The following XYLT1 variants were observed in gnomAD, a reference collection of about 807,000 sequenced individuals.
XYLT1 encodes xylosyltransferase 1, also known as beta-D-xylosyltransferase 1.
XYLT1 carries 36 observed loss-of-function variants against 91.3 expected under a neutral mutation model. The ratio of observed to expected loss-of-function variants is 0.39; its 90% CI spans 0.30 to 0.52. The LOEUF is 0.52. XYLT1 is among the 20% of genes least tolerant of loss of function. XYLT1 has a pLI of 0.68. For missense variants in XYLT1, 1,242 were observed against 1,284.5 expected, an observed-to-expected ratio of 0.97 and a Z score of 0.51; for synonymous variants, 588 against 532.0, an observed-to-expected ratio of 1.11 and a Z score of -1.45.
In XYLT1 at chr16:17,108,936, C is replaced by G. The variant is rs769620977; in HGVS notation, c.2639G>C (p.Ser880Thr). 4.2e-5 allele frequency: 67 copies of G among 1,598,160 alleles called. No individual in the cohort carries two copies. The highest frequency in any genetic ancestry group is 5.2e-5 in the Non-Finnish European group (61 of 1,168,376). Residue 880 changes from serine to threonine, a missense_variant, in exon 12 of 12, where the codon AGC becomes ACC. By Grantham distance (58) the Ser-to-Thr change is moderately conservative (BLOSUM62 1). Around this residue, in one of 3 missense-constraint regions of XYLT1, gnomAD observed 511 missense variants for 497.0 expected, o/e 1.03. Transcript: ENST00000261381. The stretch of plus-strand genomic sequence containing the variant: ...CACCTGGGCGGGGTTGATGGGCAGG[C>G]TGAGGACGGGGTTTAGGCTCTGGAA... ...QSFQSLNPVL[S>T]LPINPAQVEQ...
At chr16:17,443,570 CTG>C (rs1191464295) in intron 1 of XYLT1, among the ~76,000 whole-genome samples, 1 of 152,226 alleles carries the variant, frequency 6.6e-6, no homozygotes, top group Admixed American at 6.5e-5. Context: ...CTATGCGGAA[CTG>C]TGAGTCAATT....
At chr16:17,116,253 AAGTC>A (rs1232138032) in intron 11 of XYLT1, among the ~76,000 whole-genome samples, 3 of 152,176 alleles carry the variant, frequency 2.0e-5, no homozygotes, top group Non-Finnish European at 2.9e-5. Context: ...ACAAAGAAAA[AAGTC>A]AGGCAGGATA....
At chr16:17,123,146 A>G (rs1597134145) in intron 10 of XYLT1, among the ~76,000 whole-genome samples, 1 of 152,184 alleles carries the variant, frequency 6.6e-6, no homozygotes, top group East Asian at 1.9e-4. Context: ...AATTGCATTG[A>G]ATTTGTAGAT....
chr16:17,427,328 T>C (rs1223076761), intron 1 of XYLT1, among the ~76,000 whole-genome samples: 1 of 152,278 alleles, frequency 6.6e-6, no homozygotes, highest in Non-Finnish European at 1.5e-5. Context: ...AGACAGAGTC[T>C]GGCTCTGCCA....
At chr16:17,419,675 A>T (rs201534106) in intron 1 of XYLT1, among the ~76,000 whole-genome samples, 2 of 152,210 alleles carry the variant, frequency 1.3e-5, no homozygotes, top group East Asian at 1.9e-4. Flanking sequence ...GCATTTTCAC[A>T]TGCTGAAATG....
rs553975444 is a variant in XYLT1, at chr16:17,266,151, A to G, written c.403-6653T>C. Among the ~76,000 whole-genome samples, 8 of 152,288 alleles carry G rather than the reference A, an allele frequency of 5.3e-5. No homozygotes were observed. In the East Asian group the frequency reaches 9.7e-4, roughly 18 times the overall value. ...TATTATCGTCTATAGCAGCACACTG[A>G]GATTCAGAGGTCTGGACTCAGGAAG... On this transcript the variant is annotated intron_variant, in intron 2 of 11. Transcript: ENST00000261381.
chr16:17,283,158 T>C (rs991099254), intron 2 of XYLT1, among the ~76,000 whole-genome samples: 3 of 152,144 alleles, frequency 2.0e-5, no homozygotes, highest in Admixed American at 2.0e-4. Context: ...GAGCTAGCCC[T>C]GGAAAACTGA....
At chr16:17,350,801 C>G (rs1442363089) in intron 2 of XYLT1, among the ~76,000 whole-genome samples, 1 of 152,098 alleles carries the variant, frequency 6.6e-6, no homozygotes, top group Non-Finnish European at 1.5e-5. Context: ...TTAATCGAAG[C>G]CCAGAGCCGG....
At chr16:17,447,952 T>A (rs900600316) in intron 1 of XYLT1, among the ~76,000 whole-genome samples, 3 of 152,246 alleles carry the variant, frequency 2.0e-5, no homozygotes, top group African/African-American at 7.2e-5. Flanking sequence ...GCTTGTGACA[T>A]GCATCATTGA....
chr16:17,373,948 C>T (rs952159611), intron 1 of XYLT1, among the ~76,000 whole-genome samples: 21 of 152,142 alleles, frequency 1.4e-4, no homozygotes, highest in Admixed American at 6.5e-5. Context: ...TTATATCAAA[C>T]AACTGATTGC....
intron 1 of XYLT1, among the ~76,000 whole-genome samples, chr16:17,430,556 C>T (rs1259040709): frequency 6.6e-6 from 1 of 152,210 alleles, no homozygotes. Flanking sequence ...CAGGCCCATT[C>T]CTGGAGGGGC....
intron 1 of XYLT1, among the ~76,000 whole-genome samples, chr16:17,420,920 G>A (rs1281014513): frequency 6.6e-6 from 1 of 152,138 alleles, no homozygotes; most frequent in Non-Finnish European, 1.5e-5. Context: ...TGCTTGGATG[G>A]GAGATGAGTT....
chr16:17,131,156 A>G (rs1213153073), intron 9 of XYLT1, among the ~76,000 whole-genome samples: 2 of 152,174 alleles, frequency 1.3e-5, no homozygotes, highest in African/African-American at 4.8e-5. Context: ...GTACTTATTG[A>G]AGGAGTGAAA....
At position 17,127,724 on chromosome 16, in the gene XYLT1, T is replaced by C. The variant is rs2030310160; in HGVS notation, c.2165A>G (p.Lys722Arg). 1 of 1,614,210 alleles carries C rather than the reference T, an allele frequency of 6.2e-7. No homozygotes were observed. The highest frequency in any genetic ancestry group is 8.5e-7 in the Non-Finnish European group (1 of 1,180,040). Reference sequence around the variant, plus strand: ...TGGGCTTGCGATCTTGAAGACTTTTTTCGGCATCACCCAGGTCTCCAGAGT... The same window carrying C: ...TGGGCTTGCGATCTTGAAGACTTTTCTCGGCATCACCCAGGTCTCCAGAGT... ...LETLETWVMP[K>R]KVFKIASPPS... The change falls in exon 10 of 12, where the codon AAA (lysine) becomes AGA (arginine). Residue 722 changes from lysine to arginine, a missense_variant. By Grantham distance (26) the Lys-to-Arg change is conservative (BLOSUM62 2). Around this residue, in one of 3 missense-constraint regions of XYLT1, gnomAD observed 511 missense variants for 497.0 expected, o/e 1.03. Transcript: ENST00000261381.
intron 1 of XYLT1, among the ~76,000 whole-genome samples, chr16:17,373,321 CAGGCACCTACTATGTGCCTCAACCT>C (rs2035559581): frequency 6.6e-6 from 1 of 152,164 alleles, no homozygotes. Context: ...TGACGTTCAT[CAGGCACCTACTATGTGCCTCAACCT>C]AGGCTTGAGA....
At chr16:17,373,844 G>A (rs144453524) in intron 1 of XYLT1, among the ~76,000 whole-genome samples, 2 of 152,258 alleles carry the variant, frequency 1.3e-5, no homozygotes, top group South Asian at 2.1e-4. Context: ...CCAGCCTCTC[G>A]TAATACCTAT....
intron 2 of XYLT1, among the ~76,000 whole-genome samples, chr16:17,325,585 C>T (rs796368013): frequency 1.7e-4 from 26 of 152,152 alleles, no homozygotes; most frequent in African/African-American, 5.1e-4. Context: ...TACACATACA[C>T]GGAAAAGAAG....
chr16:17,111,172 T>A (rs7200511), intron 11 of XYLT1, among the ~76,000 whole-genome samples: 48,852 of 151,874 alleles, frequency 0.32, 9,388 homozygotes, highest in East Asian at 0.64. Context: ...AAAAAAATTT[T>A]AAAAATTGCA....
At chr16:17,114,585 AAAC>A (rs575219440) in intron 11 of XYLT1, among the ~76,000 whole-genome samples, 40 of 152,150 alleles carry the variant, frequency 2.6e-4, no homozygotes, top group Non-Finnish European at 5.1e-4. Flanking sequence ...AGTTTTTCCC[AAAC>A]AACTCCCTTT....
Sources: allele counts gnomAD v4.1 joint callset (sites outside exome capture counted in the v4.1 genomes callset), GRCh38; gene constraint gnomAD v4.1.1; regional missense constraint gnomAD v4.1.1; transcripts MANE v1.5; gene names NCBI Gene and HGNC (gene_info 2026-07-23, HGNC 2026-07-21).